AGAP1: variants seen among roughly 807,000 people sequenced by gnomAD.
AGAP1 encodes the protein arf-GAP with GTPase, ANK repeat and PH domain-containing protein 1.
A neutral mutation model predicts 105.3 loss-of-function variants in AGAP1; 29 were observed. The observed-to-expected ratio is 0.28, with a 90% CI of 0.21 to 0.38. The LOEUF (loss-of-function observed/expected upper bound fraction) is 0.38, where lower values mean the gene tolerates loss of function less well. AGAP1 is among the 10% of genes least tolerant of loss of function. AGAP1 has a pLI of 1.00. For synonymous variants in AGAP1, 509 were observed against 485.9 expected, an observed-to-expected ratio of 1.05 and a Z score of -0.63; for missense variants, 998 against 1,165.1, an observed-to-expected ratio of 0.86 and a Z score of 2.09.
At chr2:235,746,664 C>T (rs1202374787) in intron 5 of AGAP1, among the ~76,000 whole-genome samples, 1 of 151,928 alleles carries the variant, frequency 6.6e-6, no homozygotes, top group African/African-American at 2.4e-5. Flanking sequence ...TTAAAGCTGC[C>T]TTGAAGTCGA....
In AGAP1 at chr2:235,970,380, CCTT is replaced by C. The variant is rs1287172919; in HGVS notation, c.1645+1759_1645+1761del. Among the ~76,000 whole-genome samples the C allele has an allele frequency of 2.0e-5, 3 of 152,140 alleles. No homozygotes were observed. Among genetic ancestry groups the C allele is most frequent in the Admixed American group, 1.3e-4 (2 of 15,280 alleles). On this transcript the variant is annotated intron_variant, in intron 13 of 17. Transcript: ENST00000304032. This position sits in a 1 kb window ranked among gnomAD's most constrained non-coding sequence, Gnocchi z 5.4. ...GCAGGCGCTCTGTGTTGGTAAGACT[CCTT>C]CAGACAACCGTTGGGCAAAAATCAC...
intron 9 of AGAP1, among the ~76,000 whole-genome samples, chr2:235,878,927 T>G (rs938027301): frequency 6.6e-6 from 1 of 152,090 alleles, no homozygotes; most frequent in Non-Finnish European, 1.5e-5. Context: ...CCCTTGGTGG[T>G]TGTGCTTTGG....
In AGAP1 at chr2:236,051,578, G is replaced by A. The variant is rs1009976464; in HGVS notation, c.2114+2297G>A. Among the ~76,000 whole-genome samples the A allele has an allele frequency of 1.4e-4, 21 of 152,168 alleles. No individual in the cohort carries two copies. The highest frequency in any genetic ancestry group is 4.1e-4 in the South Asian group (2 of 4,822). ...GGGCCTGTGGGGAGGTGTGCCTGTC[G>A]GCGAGTACAGCACCGTGGACGGGAG... On this transcript the variant is annotated intron_variant, in intron 16 of 17. Transcript: ENST00000304032. The surrounding 1 kb of genome is among the most constrained non-coding windows in gnomAD (Gnocchi z 5.9).
At position 235,737,358 on chromosome 2, in the gene AGAP1, G is replaced by C. The variant is rs1005444472; in HGVS notation, c.311-3605G>C. On this transcript the variant is annotated intron_variant, in intron 3 of 17. Coordinates refer to ENST00000304032, the MANE Select transcript of AGAP1 (RefSeq NM_001037131.3). The surrounding 1 kb of genome is among the most constrained non-coding windows in gnomAD (Gnocchi z 4.5). ...TGAAAAGAACTGTTAATTATACTCT[G>C]TATCTGCCGGGGGAATGTAAACTGA... Among the ~76,000 whole-genome samples the C allele has an allele frequency of 6.6e-6, 1 of 152,230 alleles. No individual in the cohort carries two copies.
At chr2:235,616,233 C>T (rs1946303217) in intron 1 of AGAP1, among the ~76,000 whole-genome samples, 1 of 151,960 alleles carries the variant, frequency 6.6e-6, no homozygotes, top group Non-Finnish European at 1.5e-5. Flanking sequence ...TGGTGACGTG[C>T]ACCTGTAGTC....
intron 4 of AGAP1, among the ~76,000 whole-genome samples, chr2:235,743,639 C>G (rs939567819): frequency 4.6e-5 from 7 of 152,182 alleles, no homozygotes; most frequent in Non-Finnish European, 7.3e-5. Flanking sequence ...TTACATATAA[C>G]TGAATGCACT....
intron 1 of AGAP1, among the ~76,000 whole-genome samples, chr2:235,514,151 C>CGT (rs1218820726): frequency 1.1e-4 from 9 of 83,510 alleles, no homozygotes; most frequent in Non-Finnish European, 1.7e-4. Flanking sequence ...AGTGCATGCG[C>CGT]GTGCGCGCGC....
At chr2:236,066,509 G>A (rs115132269) in intron 16 of AGAP1, among the ~76,000 whole-genome samples, 2,070 of 152,152 alleles carry the variant, frequency 0.014, 18 homozygotes, top group Non-Finnish European at 0.02. Context: ...TACAGGCGCG[G>A]GACACTGTGC....
In AGAP1 at chr2:235,901,159, C is replaced by T. The variant is rs112793932; in HGVS notation, c.1156-7579C>T. Among the ~76,000 whole-genome samples the T allele has an allele frequency of 1.3e-5, 2 of 152,088 alleles. No individual in the cohort carries two copies. Among genetic ancestry groups the T allele is most frequent in the Admixed American group, 6.5e-5 (1 of 15,278 alleles). Reference sequence around the variant, plus strand: ...ATTATTCATAAATGTGGGATGTGAACGTTTGCTTGATCTTTTTGAATGGGT... The same window carrying T: ...ATTATTCATAAATGTGGGATGTGAATGTTTGCTTGATCTTTTTGAATGGGT... On this transcript the variant is annotated intron_variant, in intron 10 of 17. Transcript: ENST00000304032. This position sits in a 1 kb window ranked among gnomAD's most constrained non-coding sequence, Gnocchi z 4.3.
intron 16 of AGAP1, among the ~76,000 whole-genome samples, chr2:236,077,439 C>T (rs1242832982): frequency 6.6e-6 from 1 of 151,890 alleles, no homozygotes; most frequent in Non-Finnish European, 1.5e-5. Flanking sequence ...CTGCCTCAGC[C>T]TCCCGAGTAG....
At chr2:235,836,153 A>G (rs1960128553) in intron 9 of AGAP1, among the ~76,000 whole-genome samples, 3 of 152,236 alleles carry the variant, frequency 2.0e-5, no homozygotes, top group African/African-American at 7.2e-5. Context: ...CATAGTGGAA[A>G]AGCAATCAAA....
rs900710515 is a variant in AGAP1, at chr2:235,879,436, T to TA, written c.1051-3908dup. 3.3e-5 allele frequency among the ~76,000 whole-genome samples: 5 copies of TA among 152,166 alleles called. No homozygotes were observed. Among genetic ancestry groups the TA allele is most frequent in the African/African-American group, 4.8e-5 (2 of 41,438 alleles). On this transcript the variant is annotated intron_variant, in intron 9 of 17. Transcript: ENST00000304032. The surrounding 1 kb of genome is among the most constrained non-coding windows in gnomAD (Gnocchi z 5.0). ...AAATATGACTCCTAAGAGGCCAGGG[T>TA]ATTCTGTAGTCCTGCCACTTACGCA...
chr2:235,951,786 C>T lies in AGAP1; in HGVS notation c.1484-16676C>T, dbSNP rs1351835828. Among the ~76,000 whole-genome samples, 1 of 152,082 alleles carries T rather than the reference C, an allele frequency of 6.6e-6. No homozygotes were observed. Among genetic ancestry groups the T allele is most frequent in the Non-Finnish European group, 1.5e-5 (1 of 68,022 alleles). Reference sequence around the variant, plus strand: ...CAGATGAGTTACACCACACCAGTCTCCCAGTCCCATCACACACAGGCAGTT... The same window carrying T: ...CAGATGAGTTACACCACACCAGTCTTCCAGTCCCATCACACACAGGCAGTT... On this transcript the variant is annotated intron_variant, in intron 12 of 17. Transcript: ENST00000304032. This position sits in a 1 kb window ranked among gnomAD's most constrained non-coding sequence, Gnocchi z 4.2.
At chr2:236,025,859 G>A (rs972915491) in intron 13 of AGAP1, among the ~76,000 whole-genome samples, 104 of 147,748 alleles carry the variant, frequency 7.0e-4, no homozygotes, top group African/African-American at 2.6e-3. Context: ...CTGAGATGGT[G>A]CCACTGCACT....
chr2:235,766,012 A>G (rs1171481564), intron 6 of AGAP1, among the ~76,000 whole-genome samples: 1 of 152,228 alleles, frequency 6.6e-6, no homozygotes, highest in Non-Finnish European at 1.5e-5. Flanking sequence ...AGTGTTTAGT[A>G]GCAAGGCAGG....
At chr2:235,918,599 A>G (rs1005577597) in intron 11 of AGAP1, among the ~76,000 whole-genome samples, 2 of 152,240 alleles carry the variant, frequency 1.3e-5, no homozygotes, top group African/African-American at 4.8e-5. Context: ...TTCCATCATT[A>G]AATTGTAAAC....
At chr2:235,791,979 T>G (rs1168885964) in intron 6 of AGAP1, among the ~76,000 whole-genome samples, 1 of 152,200 alleles carries the variant, frequency 6.6e-6, no homozygotes, top group Non-Finnish European at 1.5e-5. Flanking sequence ...GTAAAATTAG[T>G]GTTTAGTCTC....
intron 16 of AGAP1, among the ~76,000 whole-genome samples, chr2:236,099,180 C>CCT (rs2059276857): frequency 6.6e-6 from 1 of 151,600 alleles, no homozygotes. Context: ...GGGCCAGGTG[C>CCT]GGTGGCTCAC....
rs761982801 is a variant in AGAP1, at chr2:235,783,296, T to G, written c.674-14463T>G. On this transcript the variant is annotated intron_variant, in intron 6 of 17. Coordinates refer to ENST00000304032, the MANE Select transcript of AGAP1 (RefSeq NM_001037131.3). ...AAGAGTCATTATAACCTTTTACCTA[T>G]AGCTAACATTTACATACCTCAGGTC... 51 of 468,666 alleles carry G rather than the reference T, an allele frequency of 1.1e-4. No individual in the cohort carries two copies. The Middle Eastern group carries it at 2.6e-3, about 24-fold the overall frequency. 29.0% of individuals were successfully genotyped at this position (468,666 alleles called of 1,614,324 possible).
Sources: allele counts gnomAD v4.1 joint callset (sites outside exome capture counted in the v4.1 genomes callset), GRCh38; gene constraint gnomAD v4.1.1; non-coding constraint Gnocchi (gnomAD v3.1); transcripts MANE v1.5; gene names NCBI Gene and HGNC (gene_info 2026-07-23, HGNC 2026-07-21).